Variants in KALRN observed in about 807,000 individuals in gnomAD.
KALRN encodes the protein kalirin.
In KALRN, 70 loss-of-function variants were observed where a neutral mutation model predicts 353.7. That is an observed-to-expected ratio of 0.20 (90% confidence interval 0.16 to 0.24). KALRN has a LOEUF of 0.24. KALRN is among the 10% of genes least tolerant of loss of function. The pLI is 1.00. For missense variants in KALRN, 2,791 were observed against 3,756.7 expected, an observed-to-expected ratio of 0.74 and a Z score of 6.72; for synonymous variants, 1,391 against 1,434.8, an observed-to-expected ratio of 0.97 and a Z score of 0.69.
At chr3:124,529,699 A>G (rs2067880877) in intron 33 of KALRN, among the ~76,000 whole-genome samples, 1 of 151,954 alleles carries the variant, frequency 6.6e-6, no homozygotes. Flanking sequence ...TTCTCTCAAC[A>G]CAGTTTTATT....
At position 124,458,293 on chromosome 3, in the gene KALRN, A is replaced by AAAAGAG. The variant is rs1553985422; in HGVS notation, c.3854+1568_3854+1573dup. On this transcript the variant is annotated intron_variant, in intron 23 of 59. Transcript: ENST00000682506. The stretch of plus-strand genomic sequence containing the variant: ...TCTGTCTCAAAAAAAAAAAAAAAAA[A>AAAAGAG]AAAGAGAATGCTCTCCTTTCTGTTT... 5.8e-4 allele frequency among the ~76,000 whole-genome samples: 87 copies of AAAAGAG among 150,646 alleles called. 1 individual carries two copies. The highest frequency in any genetic ancestry group is 4.4e-3 in the East Asian group (22 of 5,044).
chr3:124,281,658 G>C (rs924102918), intron 5 of KALRN, among the ~76,000 whole-genome samples: 4 of 152,142 alleles, frequency 2.6e-5, no homozygotes, highest in Non-Finnish European at 5.9e-5. Flanking sequence ...TTCTCCCTCT[G>C]AGCATTTCCT....
intron 34 of KALRN, among the ~76,000 whole-genome samples, chr3:124,623,786 A>C (rs678911): frequency 1.1e-4 from 17 of 151,684 alleles, no homozygotes; most frequent in African/African-American, 3.6e-4. Context: ...TTGATACTCA[A>C]TATTAACCAT....
chr3:124,464,476 A>AT (rs1396697872), intron 25 of KALRN, among the ~76,000 whole-genome samples: 1 of 152,174 alleles, frequency 6.6e-6, no homozygotes, highest in African/African-American at 2.4e-5. Flanking sequence ...ACCAGTTACA[A>AT]TATATAGTTC....
Position 124,697,697 on chromosome 3 carries a change from G to A in KALRN, c.7804G>A (p.Gly2602Ser). Residue 2602 changes from glycine to serine, a missense_variant, in exon 55 of 60, where the codon GGT becomes AGT. Physicochemically the swap from Gly to Ser is moderately conservative, Grantham distance 56 (BLOSUM62 0). This residue lies in a region of KALRN where 1,065 missense variants were observed against 1,156.4 expected (regional missense o/e 0.92). Coordinates refer to ENST00000682506, the MANE Select transcript of KALRN (RefSeq NM_001388419.1). Reference protein sequence around the residue: ...PSSTGNCTISGYTVEYREEGS... With the variant: ...PSSTGNCTISSYTVEYREEGS... Reference sequence around the variant, plus strand: ...CAGCACAGGAAACTGCACTATTTCTGGTTACACTGTGGAGTACAGAGAGGA... The same window carrying A: ...CAGCACAGGAAACTGCACTATTTCTAGTTACACTGTGGAGTACAGAGAGGA... 1 of 1,595,002 alleles carries A rather than the reference G, an allele frequency of 6.3e-7. No homozygotes were observed. The highest frequency in any genetic ancestry group is 8.5e-7 in the Non-Finnish European group (1 of 1,170,080).
chr3:124,109,817 TACTTTGATATATATATGAC>T, intron 1 of KALRN, among the ~76,000 whole-genome samples: 1 of 2,114 alleles, frequency 4.7e-4, no homozygotes, highest in African/African-American at 1.7e-3. Flanking sequence ...ATATATATCA[TACTTTGATATATATATGAC>T]ATATATATCA....
At chr3:124,563,980 T>C (rs35784970) in intron 34 of KALRN, among the ~76,000 whole-genome samples, 56,136 of 142,118 alleles carry the variant, frequency 0.39, 11,784 homozygotes, top group African/African-American at 0.56. Flanking sequence ...CACTCCAGCC[T>C]GGGCAACAGA....
At position 124,725,206 on chromosome 3, in the gene KALRN, C is replaced by G. The variant is rs1250296510; in HGVS notation, c.*5736C>G. The G allele has an allele frequency of 6.6e-6, 1 of 152,142 alleles. No individual in the cohort carries two copies. The highest frequency in any genetic ancestry group is 1.5e-5 in the Non-Finnish European group (1 of 68,018). The allele number at this position is 152,142 out of a possible 1,614,324, so 9.4% of individuals were successfully genotyped here. On this transcript the variant is annotated 3_prime_UTR_variant, in exon 60 of 60. Coordinates refer to ENST00000682506, the MANE Select transcript of KALRN (RefSeq NM_001388419.1). Reference sequence around the variant, plus strand: ...GTTACTATGACCTCAAAGACTGTGGCTACGAATCTGAAGTTAACAAGACAT... The same window carrying G: ...GTTACTATGACCTCAAAGACTGTGGGTACGAATCTGAAGTTAACAAGACAT...
chr3:124,552,257 G>A (rs748388022), intron 33 of KALRN, among the ~76,000 whole-genome samples: 12 of 152,122 alleles, frequency 7.9e-5, no homozygotes, highest in African/African-American at 7.2e-5. Flanking sequence ...AAGTCACCCC[G>A]CTCCCAGCCA....
rs1211099605 is a variant in KALRN at position 124,109,803 on chromosome 3, TGA to T, written c.73+75991_73+75992del. 2.2e-3 allele frequency among the ~76,000 whole-genome samples: 52 copies of T among 23,586 alleles called. 1 individual carries two copies. Among genetic ancestry groups the T allele is most frequent in the African/African-American group, 0.011 (47 of 4,260 alleles). 15.5% of individuals were successfully genotyped at this position (23,586 alleles called of 152,430 possible). A position where few individuals can be genotyped will look rare whatever the true frequency, so the allele number is the denominator to read the frequency against. On this transcript the variant is annotated intron_variant, in intron 1 of 59. Transcript: ENST00000682506. ...TATATATCATACTTTGATATATATA[TGA>T]CATATATATCATACTTTGATATATA... is the stretch of plus-strand genomic sequence containing the variant.
At chr3:124,452,724 G>A (rs939950252) in intron 21 of KALRN, among the ~76,000 whole-genome samples, 13 of 152,218 alleles carry the variant, frequency 8.5e-5, no homozygotes, top group African/African-American at 3.1e-4. Context: ...TCCTAAGGAT[G>A]CATCTAAACT....
At chr3:124,456,949 C>G (rs2059365436) in intron 23 of KALRN, among the ~76,000 whole-genome samples, 1 of 152,228 alleles carries the variant, frequency 6.6e-6, no homozygotes, top group Non-Finnish European at 1.5e-5. Context: ...TCAGTAACTT[C>G]CTAGACAAAC....
chr3:124,649,632 A>ACAAACAAACAAG (rs1392413073), intron 37 of KALRN, among the ~76,000 whole-genome samples: 1 of 150,796 alleles, frequency 6.6e-6, no homozygotes, highest in African/African-American at 2.4e-5. Flanking sequence ...AAACAAACAA[A>ACAAACAAACAAG]CAAAAAAGAT....
At chr3:124,453,241 G>T (rs562082102) in intron 21 of KALRN, among the ~76,000 whole-genome samples, 15 of 151,994 alleles carry the variant, frequency 9.9e-5, no homozygotes, top group African/African-American at 3.6e-4. Flanking sequence ...GAGATGTTTC[G>T]GCTATCCTCA....
chr3:124,490,100 A>C lies in KALRN; in HGVS notation c.4397-594A>C, dbSNP rs1458010668. On this transcript the variant is annotated intron_variant, in intron 29 of 59. Transcript: ENST00000682506. ...ATAGGGAGACCTTGTCTCTACAGAA[A>C]ATACAAAAATTACCTGGGCATGGTG... 7.2e-4 allele frequency among the ~76,000 whole-genome samples: 110 copies of C among 152,146 alleles called. 1 individual carries two copies. The highest frequency in any genetic ancestry group is 1.5e-5 in the Non-Finnish European group (1 of 68,020).
intron 34 of KALRN, among the ~76,000 whole-genome samples, chr3:124,581,299 A>G (rs1270634617): frequency 6.6e-6 from 1 of 151,726 alleles, no homozygotes; most frequent in Non-Finnish European, 1.5e-5. Context: ...AGGCTGATGC[A>G]GGAGAATTGC....
chr3:124,344,657 C>T (rs1426386203), intron 9 of KALRN, among the ~76,000 whole-genome samples: 3 of 152,298 alleles, frequency 2.0e-5, no homozygotes, highest in Non-Finnish European at 4.4e-5. Flanking sequence ...AGCTCCTGAA[C>T]TTTCGTCGAA....
intron 27 of KALRN, among the ~76,000 whole-genome samples, chr3:124,480,758 C>T (rs1276667508): frequency 6.6e-6 from 1 of 152,184 alleles, no homozygotes; most frequent in African/African-American, 2.4e-5. Context: ...TATGTCTCTA[C>T]AGATAGATCT....
chr3:124,137,159 G>A lies in KALRN; in HGVS notation c.74-90831G>A, dbSNP rs541065801. 3.9e-5 allele frequency among the ~76,000 whole-genome samples: 6 copies of A among 152,210 alleles called. No individual in the cohort carries two copies. The East Asian group carries it at 5.8e-4, about 15-fold the overall frequency. ...TTGTTACCTGGACACTGGAGTCGCC[G>A]GTTTTGCTGAACAATGCATTTAAAA... On this transcript the variant is annotated intron_variant, in intron 1 of 59. Transcript: ENST00000682506.
Sources: gnomAD v4.1 joint callset for allele counts (sites outside exome capture counted in the v4.1 genomes callset) on GRCh38, gnomAD v4.1.1 for gene constraint, gnomAD v4.1.1 regional missense constraint, MANE v1.5 for transcripts, NCBI Gene and HGNC (gene_info 2026-07-23, HGNC 2026-07-21) for gene names.